STX8: variants seen among roughly 807,000 people sequenced by gnomAD.
STX8 encodes syntaxin 8.
A neutral mutation model predicts 37.5 loss-of-function variants in STX8; 23 were observed. The ratio of observed to expected loss-of-function variants is 0.61; its 90% confidence interval spans 0.44 to 0.87. The LOEUF (loss-of-function observed/expected upper bound fraction) is 0.87, where lower values mean the gene tolerates loss of function less well. STX8 is among the 40% of genes least tolerant of loss of function. The probability of loss-of-function intolerance (pLI) is 0.00; values close to 1 mark genes in which losing one functional copy is unlikely to be tolerated. For missense variants in STX8, 313 were observed against 284.7 expected (o/e 1.10, Z -0.71); for synonymous variants, 115 against 99.1 (o/e 1.16, Z -0.95).
chr17:9,439,372 C>A (rs1217973887), intron 6 of STX8, among the ~76,000 whole-genome samples: 1 of 152,096 alleles, frequency 6.6e-6, no homozygotes, highest in African/African-American at 2.4e-5. Context: ...CCTAACAAAA[C>A]ACTTATTTTA....
At position 9,507,612 on chromosome 17, in the gene STX8, C is replaced by G. The variant is rs1250502870; in HGVS notation, c.324-2450G>C. Among the ~76,000 whole-genome samples, 1 of 152,234 alleles carries G rather than the reference C, an allele frequency of 6.6e-6. No individual in the cohort carries two copies. On this transcript the variant is annotated intron_variant, in intron 4 of 7. Transcript: ENST00000306357. The surrounding 1 kb of genome is among the most constrained non-coding windows in gnomAD (Gnocchi z 4.0). The stretch of plus-strand genomic sequence containing the variant: ...GCATACTCCCAGACTGGCCAAGCAA[C>G]CAAGCAACTGTGCCCTCAGCCAGAG...
At chr17:9,367,136 C>T (rs950390394) in intron 7 of STX8, among the ~76,000 whole-genome samples, 3 of 151,430 alleles carry the variant, frequency 2.0e-5, no homozygotes, top group African/African-American at 7.3e-5. Flanking sequence ...TTGGGAAACA[C>T]ATCTGTAATG....
At chr17:9,369,087 T>C (rs1237837737) in intron 7 of STX8, among the ~76,000 whole-genome samples, 2 of 152,196 alleles carry the variant, frequency 1.3e-5, no homozygotes, top group Non-Finnish European at 2.9e-5. Context: ...TGCCCAGTCC[T>C]ATCTACATTT....
At chr17:9,351,445 C>T (rs1003981233) in intron 7 of STX8, among the ~76,000 whole-genome samples, 21 of 152,050 alleles carry the variant, frequency 1.4e-4, no homozygotes, top group African/African-American at 3.9e-4. Flanking sequence ...GTGTGAGCCA[C>T]GGCGCCCGGC....
At position 9,360,919 on chromosome 17, in the gene STX8, G is replaced by A. The variant is rs144904727; in HGVS notation, c.643+17633C>T. On this transcript the variant is annotated intron_variant, in intron 7 of 7. Transcript: ENST00000306357. Reference sequence around the variant, plus strand: ...GTAACCCAGTGAGACCCGCGGTGCCGGCTACAGGTCCCTGACAGCTGATAC... The same window carrying A: ...GTAACCCAGTGAGACCCGCGGTGCCAGCTACAGGTCCCTGACAGCTGATAC... Among the ~76,000 whole-genome samples the A allele has an allele frequency of 4.0e-3, 613 of 152,192 alleles. 2 individuals carry two copies. The highest frequency in any genetic ancestry group is 6.2e-3 in the Non-Finnish European group (423 of 68,002).
chr17:9,505,181 T>G lies in STX8; in HGVS notation c.324-19A>C. On this transcript the variant is annotated intron_variant, in intron 4 of 7. Transcript: ENST00000306357. ...GCTGGACCTAAAGAACAATATTAAA[T>G]GCATGATATATCTCAAAACATGCAG... The G allele has an allele frequency of 6.3e-7, 1 of 1,598,520 alleles. No individual in the cohort carries two copies.
At chr17:9,453,913 C>G (rs557638390) in intron 6 of STX8, among the ~76,000 whole-genome samples, 1 of 152,218 alleles carries the variant, frequency 6.6e-6, no homozygotes, top group Non-Finnish European at 1.5e-5. Context: ...AGTCACCAGT[C>G]TGGATGGGGA....
At chr17:9,340,424 A>G (rs1408367542) in intron 7 of STX8, among the ~76,000 whole-genome samples, 1 of 152,366 alleles carries the variant, frequency 6.6e-6, no homozygotes, top group East Asian at 1.9e-4. Flanking sequence ...GCATCTGGCT[A>G]TGTTAAGTAA....
At chr17:9,347,365 T>C (rs1175566116) in intron 7 of STX8, among the ~76,000 whole-genome samples, 2 of 152,200 alleles carry the variant, frequency 1.3e-5, no homozygotes, top group East Asian at 3.9e-4. Context: ...TACTTGTTTC[T>C]AATGGAGCAG....
At chr17:9,514,325 C>T (rs1471972217) in intron 4 of STX8, among the ~76,000 whole-genome samples, 2 of 152,126 alleles carry the variant, frequency 1.3e-5, no homozygotes, top group African/African-American at 4.8e-5. Context: ...AAATGATAGG[C>T]TGGGTGCGGT....
At chr17:9,284,657 A>G (rs1421453160) in intron 7 of STX8, among the ~76,000 whole-genome samples, 1 of 152,232 alleles carries the variant, frequency 6.6e-6, no homozygotes, top group African/African-American at 2.4e-5. Flanking sequence ...CAAATGAAAC[A>G]TACTTTTTGA....
chr17:9,387,536 G>A (rs369604660), intron 6 of STX8, among the ~76,000 whole-genome samples: 9 of 152,094 alleles, frequency 5.9e-5, no homozygotes, highest in African/African-American at 1.9e-4. Context: ...CTCATGATCC[G>A]CCCGCCTTGG....
At chr17:9,395,985 T>C (rs1443298657) in intron 6 of STX8, among the ~76,000 whole-genome samples, 1 of 152,178 alleles carries the variant, frequency 6.6e-6, no homozygotes, top group Admixed American at 6.5e-5. Context: ...AACCCTACAA[T>C]AGCTGCAATA....
In STX8 at chr17:9,488,281, G is replaced by C. The variant is rs190571179; in HGVS notation, c.541+3548C>G. On this transcript the variant is annotated intron_variant, in intron 6 of 7. Transcript: ENST00000306357. ...ATGGAGGTTGCAGTGAGCCGAGATC[G>C]CACCACTGCACTCCAGCCTGGGCAA... 6.0e-3 allele frequency among the ~76,000 whole-genome samples: 899 copies of C among 150,484 alleles called. 7 individuals carry two copies. The highest frequency in any genetic ancestry group is 8.2e-3 in the Non-Finnish European group (556 of 67,842).
Position 9,450,418 on chromosome 17 carries a change from T to C in STX8, c.541+41411A>G, listed in dbSNP as rs1037295754. On this transcript the variant is annotated intron_variant, in intron 6 of 7. Transcript: ENST00000306357. ...TAAATAAACCTCACACTAAAAAAGG[T>C]AGTAAAAAATAATAATGCTGTAATG... is the stretch of plus-strand genomic sequence containing the variant. Among the ~76,000 whole-genome samples the C allele has an allele frequency of 6.6e-5, 10 of 151,896 alleles. No individual in the cohort carries two copies. The East Asian group carries it at 1.2e-3, about 18-fold the overall frequency.
intron 7 of STX8, among the ~76,000 whole-genome samples, chr17:9,305,155 C>T (rs556073117): frequency 1.6e-4 from 24 of 151,774 alleles, no homozygotes; most frequent in South Asian, 8.4e-4. Flanking sequence ...TGCAGTGGCG[C>T]GGTCTCGGCT....
chr17:9,291,211 G>A (rs1198462749), intron 7 of STX8, among the ~76,000 whole-genome samples: 4 of 152,168 alleles, frequency 2.6e-5, no homozygotes, highest in African/African-American at 9.6e-5. Flanking sequence ...TTGGGAGGCC[G>A]AAGCCGAAAA....
chr17:9,294,145 G>A (rs1163952141), intron 7 of STX8, among the ~76,000 whole-genome samples: 2 of 152,152 alleles, frequency 1.3e-5, no homozygotes, highest in African/African-American at 4.8e-5. Flanking sequence ...TAGGGTTTGG[G>A]TCTTCTGATG....
chr17:9,319,520 C>T (rs1303979705), intron 7 of STX8, among the ~76,000 whole-genome samples: 4 of 152,158 alleles, frequency 2.6e-5, no homozygotes, highest in African/African-American at 7.2e-5. Flanking sequence ...GAAAATGCAA[C>T]AGCAGCACAT....
Sources: allele counts gnomAD v4.1 joint callset (sites outside exome capture counted in the v4.1 genomes callset), GRCh38; gene constraint gnomAD v4.1.1; non-coding constraint Gnocchi (gnomAD v3.1); transcripts MANE v1.5; gene names NCBI Gene and HGNC (gene_info 2026-07-23, HGNC 2026-07-21).